TTC12: variants seen among roughly 807,000 people sequenced by gnomAD.
The protein encoded by TTC12 is tetratricopeptide repeat domain 12, also known as tetratricopeptide repeat protein 12.
Under a neutral mutation model 90.1 loss-of-function variants are expected in TTC12, and 70 were observed. The observed-to-expected ratio is 0.78, with a 90% CI of 0.64 to 0.95. The LOEUF is 0.95. Ranked by LOEUF, TTC12 falls within the 40% of genes least tolerant of loss-of-function variation. The probability of loss-of-function intolerance (pLI) is 0.00; values close to 1 mark genes in which losing one functional copy is unlikely to be tolerated. For missense variants in TTC12, 819 were observed against 846.1 expected, an observed-to-expected ratio of 0.97 and a Z score of 0.40; for synonymous variants, 296 against 311.5, an observed-to-expected ratio of 0.95 and a Z score of 0.53.
At chr11:113,322,763 G>C (rs1555139077) in intron 2 of TTC12, among the ~76,000 whole-genome samples, 1 of 152,128 alleles carries the variant, frequency 6.6e-6, no homozygotes, top group Non-Finnish European at 1.5e-5. Context: ...TGTTAGGTGA[G>C]ATAGCAGGGC....
In TTC12 at chr11:113,344,398, A is replaced by T; in HGVS notation, c.1112A>T (p.Glu371Val). The T allele has an allele frequency of 6.2e-7, 1 of 1,614,170 alleles. No individual in the cohort carries two copies. The highest frequency in any genetic ancestry group is 8.5e-7 in the Non-Finnish European group (1 of 1,180,024). The change falls in exon 13 of 22, where the codon GAG (glutamate) becomes GTG (valine). Residue 371 changes from glutamate to valine, a missense_variant. Glu to Val is a moderately radical substitution (Grantham distance 121, BLOSUM62 -2). Transcript: ENST00000529221. ...FALLLHLAQT[E>V]SGRSLIINHL... ...CTGCTGCTGCATCTCGCCCAGACTG[A>T]GAGCGGACGGAGCCTGATCATCAAC...
rs1555145218 is a variant in TTC12 at position 113,339,351 on chromosome 11, C to G, written c.703C>G (p.Leu235Val). ...DLQEKEAHEL[L>V]DSGKNTAVTT... is the part of the protein sequence containing the mutation. Reference sequence around the variant, plus strand: ...TCAAGAAAAGGAAGCCCACGAACTGCTGGATTCAGGAAAGAACACAGCCGT... The same window carrying G: ...TCAAGAAAAGGAAGCCCACGAACTGGTGGATTCAGGAAAGAACACAGCCGT... The change falls in exon 10 of 22, where the codon CTG becomes GTG. Residue 235 changes from leucine to valine, a missense_variant. Coordinates refer to ENST00000529221, the MANE Select transcript of TTC12 (RefSeq NM_017868.4). 5 of 1,613,948 alleles carry G rather than the reference C, an allele frequency of 3.1e-6. No individual in the cohort carries two copies. Among genetic ancestry groups the G allele is most frequent in the Admixed American group, 3.3e-5 (2 of 59,972 alleles).
At chr11:113,319,849 GCAGGGA>G (rs1269220604) in intron 2 of TTC12, among the ~76,000 whole-genome samples, 8 of 152,152 alleles carry the variant, frequency 5.3e-5, no homozygotes, top group African/African-American at 1.9e-4. Context: ...CACATTGCTG[GCAGGGA>G]CTTCTCAACA....
intron 14 of TTC12, among the ~76,000 whole-genome samples, chr11:113,350,377 A>G (rs1399351433): frequency 6.6e-6 from 1 of 152,156 alleles, no homozygotes; most frequent in African/African-American, 2.4e-5. Context: ...CCGGGCCTCC[A>G]TGGGTTTGGA....
intron 7 of TTC12, among the ~76,000 whole-genome samples, chr11:113,334,236 G>A (rs782121279): frequency 1.3e-5 from 2 of 152,234 alleles, no homozygotes; most frequent in African/African-American, 2.4e-5. Flanking sequence ...TCAACTGGAT[G>A]TCTTAGATTT....
intron 2 of TTC12, among the ~76,000 whole-genome samples, 171 bp from the exon 3 acceptor site, chr11:113,323,117 A>C (rs1278971553): frequency 2.6e-5 from 4 of 151,950 alleles, no homozygotes; most frequent in South Asian, 4.2e-4. Context: ...AAAAAAAAAA[A>C]AAAACCTGTT....
At chr11:113,355,577 T>A (rs1373840877) in intron 16 of TTC12, among the ~76,000 whole-genome samples, 1 of 152,126 alleles carries the variant, frequency 6.6e-6, no homozygotes, top group Admixed American at 6.5e-5. Flanking sequence ...TCTAACTTTT[T>A]AGTTAGAAAT....
intron 16 of TTC12, among the ~76,000 whole-genome samples, chr11:113,352,855 G>T (rs61903989): frequency 0.026 from 3,888 of 152,256 alleles, 78 homozygotes; most frequent in Non-Finnish European, 0.039. Context: ...GTCTATCATT[G>T]ATGGGCATTT....
In TTC12 at chr11:113,351,265, T is replaced by C; in HGVS notation, c.1274T>C (p.Leu425Pro). 1.2e-6 allele frequency: 2 copies of C among 1,614,170 alleles called. No individual in the cohort carries two copies. The highest frequency in any genetic ancestry group is 1.7e-6 in the Non-Finnish European group (2 of 1,179,994). ...TTCCAAGTCTGGTTCCAGGCCAACC[T>C]TCCAGGTGTTCTCCCTGCACTCACA... is the stretch of plus-strand genomic sequence containing the variant. ...ERFQVWFQAN[L>P]PGVLPALTGV... is the part of the protein sequence containing the mutation. The change falls in exon 15 of 22, where the codon CTT (leucine) becomes CCT (proline). Residue 425 changes from leucine to proline, a missense_variant. Coordinates refer to ENST00000529221, the MANE Select transcript of TTC12 (RefSeq NM_017868.4).
chr11:113,356,266 C>CT (rs1394628299), intron 16 of TTC12, among the ~76,000 whole-genome samples: 1 of 152,140 alleles, frequency 6.6e-6, no homozygotes, highest in East Asian at 1.9e-4. Context: ...GCAACGCCTG[C>CT]TTTTTTTCTG....
At chr11:113,370,141 G>A (rs1000478889), downstream of TTC12, among the ~76,000 whole-genome samples, 4 of 152,184 alleles carry the variant, frequency 2.6e-5, no homozygotes, top group Non-Finnish European at 4.4e-5. Context: ...CAGGGCCTGG[G>A]GCCAGGGGTG....
At chr11:113,340,559 G>A (rs185733870) in intron 10 of TTC12, 105 bp from the exon 11 acceptor site, 60 of 798,800 alleles carry the variant, frequency 7.5e-5, no homozygotes, top group South Asian at 5.7e-4. Flanking sequence ...CGTGGGTACC[G>A]TGGCATTCCA....
chr11:113,334,467 A>G (rs1282081434), intron 7 of TTC12, among the ~76,000 whole-genome samples: 1 of 152,010 alleles, frequency 6.6e-6, no homozygotes, highest in Non-Finnish European at 1.5e-5. Flanking sequence ...CTAAGATATA[A>G]TGGTAACCTC....
In TTC12 at chr11:113,338,542, A is replaced by G. The variant is rs528226073; in HGVS notation, c.577-232A>G. Reference sequence around the variant, plus strand: ...GGACTGGATATTTTTCATCATGAGCATCTAAAATTCTTTAAAACTAATTTT... The same window carrying G: ...GGACTGGATATTTTTCATCATGAGCGTCTAAAATTCTTTAAAACTAATTTT... On this transcript the variant is annotated intron_variant, in intron 8 of 21. Coordinates refer to ENST00000529221, the MANE Select transcript of TTC12 (RefSeq NM_017868.4). Among the ~76,000 whole-genome samples, 70 of 152,362 alleles carry G rather than the reference A, an allele frequency of 4.6e-4. 1 individual carries two copies. The highest frequency in any genetic ancestry group is 2.1e-3 in the East Asian group (11 of 5,186).
At chr11:113,357,840 A>G (rs913945196) in intron 16 of TTC12, among the ~76,000 whole-genome samples, 1 of 152,196 alleles carries the variant, frequency 6.6e-6, no homozygotes, top group East Asian at 1.9e-4. Context: ...TCTGGTCACT[A>G]CACTCCAATG....
chr11:113,328,424 C>T (rs10502172), intron 6 of TTC12, among the ~76,000 whole-genome samples: 50,345 of 152,026 alleles, frequency 0.33, 10,857 homozygotes, highest in Non-Finnish European at 0.48. Flanking sequence ...GAATGGATCA[C>T]GGAATTCTGA....
chr11:113,357,273 T>C (rs1162753998), intron 16 of TTC12, among the ~76,000 whole-genome samples: 1 of 152,232 alleles, frequency 6.6e-6, no homozygotes, highest in East Asian at 1.9e-4. Context: ...TTTTCAGCTC[T>C]ATCAGGTTGG....
intron 10 of TTC12, among the ~76,000 whole-genome samples, chr11:113,340,347 A>G (rs1948613064): frequency 1.3e-5 from 2 of 152,226 alleles, no homozygotes; most frequent in South Asian, 2.1e-4. Context: ...GGTACTTCCC[A>G]TAGGTTAAGC....
At chr11:113,351,982 C>G in intron 15 of TTC12, 88 bp from the exon 16 acceptor site, 1 of 1,489,602 alleles carries the variant, frequency 6.7e-7, no homozygotes, top group African/African-American at 1.4e-5. Flanking sequence ...GTTCGTGGGC[C>G]TTTTGGTGAG....
Sources: gnomAD v4.1 joint callset for allele counts (sites outside exome capture counted in the v4.1 genomes callset) on GRCh38, gnomAD v4.1.1 for gene constraint, MANE v1.5 for transcripts, NCBI Gene and HGNC (gene_info 2026-07-23, HGNC 2026-07-21) for gene names.